MIPOL1: variants seen among roughly 807,000 people sequenced by gnomAD.
MIPOL1 encodes the protein mirror-image polydactyly 1.
In MIPOL1, 57 loss-of-function variants were observed where a neutral mutation model predicts 60.9. The ratio of observed to expected loss-of-function variants is 0.94; its 90% CI spans 0.76 to 1.17. The LOEUF is 1.17. MIPOL1 is among the 50% of genes most tolerant of loss of function. The probability of loss-of-function intolerance (pLI) is 0.00; values close to 1 mark genes in which losing one functional copy is unlikely to be tolerated. For missense variants in MIPOL1, 551 were observed against 511.6 expected, an observed-to-expected ratio of 1.08 and a Z score of -0.74; for synonymous variants, 179 against 168.8, an observed-to-expected ratio of 1.06 and a Z score of -0.47.
chr14:37,237,008 G>C (rs545118986), intron 1 of MIPOL1, among the ~76,000 whole-genome samples: 2 of 152,176 alleles, frequency 1.3e-5, no homozygotes, highest in Admixed American at 1.3e-4. Flanking sequence ...TAGATTCCCT[G>C]GTATACTTGG....
intron 9 of MIPOL1, among the ~76,000 whole-genome samples, chr14:37,356,595 G>C (rs1028349553): frequency 2.0e-5 from 3 of 152,216 alleles, no homozygotes; most frequent in African/African-American, 7.2e-5. Flanking sequence ...CCAGGTGCGG[G>C]ATATAATCTC....
chr14:37,420,625 A>T (rs2093855364), intron 10 of MIPOL1, among the ~76,000 whole-genome samples: 1 of 152,192 alleles, frequency 6.6e-6, no homozygotes, highest in Non-Finnish European at 1.5e-5. Context: ...AACTCAGACT[A>T]GCCTAAGTCA....
intron 1 of MIPOL1, among the ~76,000 whole-genome samples, chr14:37,226,965 G>A (rs1274777323): frequency 2.0e-5 from 3 of 152,168 alleles, no homozygotes; most frequent in Non-Finnish European, 4.4e-5. Flanking sequence ...CTGTGATGCT[G>A]CCTCTTTTGA....
intron 6 of MIPOL1, among the ~76,000 whole-genome samples, chr14:37,276,122 C>T (rs2083640331): frequency 6.6e-6 from 1 of 151,064 alleles, no homozygotes; most frequent in Non-Finnish European, 1.5e-5. Flanking sequence ...TCTCTATTAT[C>T]TAATCTATCT....
intron 1 of MIPOL1, chr14:37,240,444 C>T (rs1204309513): frequency 2.6e-5 from 4 of 152,054 alleles, no homozygotes; most frequent in Non-Finnish European, 4.4e-5. Flanking sequence ...TTTGATTTGC[C>T]AGGAACTTCA....
intron 11 of MIPOL1, among the ~76,000 whole-genome samples, chr14:37,445,080 A>G (rs935163336): frequency 4.6e-5 from 7 of 152,210 alleles, no homozygotes; most frequent in Non-Finnish European, 8.8e-5. Flanking sequence ...GGCCAGGTCA[A>G]TTAGGCAGGA....
At position 37,505,913 on chromosome 14, in the gene MIPOL1, G is replaced by T. The variant is rs540405076; in HGVS notation, c.1262+5775G>T. On this transcript the variant is annotated intron_variant, in intron 12 of 12. Transcript: ENST00000684589. ...ATAAGCAACTTCAGCAAAGTCTCAG[G>T]ATATAAAATCAATGTGCAAAAATCA... is the stretch of plus-strand genomic sequence containing the variant. 15 of 152,124 alleles carry T rather than the reference G, an allele frequency of 9.9e-5. 1 individual carries two copies. The South Asian group carries it at 2.9e-3, about 29-fold the overall frequency. The allele number at this position is 152,124 out of a possible 1,614,324, so 9.4% of individuals were successfully genotyped here.
chr14:37,496,076 G>A (rs922617527), intron 11 of MIPOL1, among the ~76,000 whole-genome samples: 27 of 151,932 alleles, frequency 1.8e-4, no homozygotes, highest in African/African-American at 6.3e-4. Context: ...CATTTTGTAG[G>A]TTGCCTGTTC....
chr14:37,467,183 C>A (rs2094609409), intron 11 of MIPOL1, among the ~76,000 whole-genome samples: 1 of 152,152 alleles, frequency 6.6e-6, no homozygotes, highest in Admixed American at 6.6e-5. Flanking sequence ...ATCTTTATAA[C>A]CCTAAAACCT....
At chr14:37,511,336 T>C (rs1251562911) in intron 12 of MIPOL1, among the ~76,000 whole-genome samples, 1 of 152,180 alleles carries the variant, frequency 6.6e-6, no homozygotes, top group Non-Finnish European at 1.5e-5. Flanking sequence ...GTGTAGTTTG[T>C]GGATGAATAG....
intron 10 of MIPOL1, among the ~76,000 whole-genome samples, chr14:37,378,879 A>T (rs1284893487): frequency 6.6e-6 from 1 of 152,126 alleles, no homozygotes; most frequent in Non-Finnish European, 1.5e-5. Context: ...ATATGATTTA[A>T]AAAACGGATC....
chr14:37,520,223 A>G (rs1371059169), intron 12 of MIPOL1, among the ~76,000 whole-genome samples: 1 of 152,178 alleles, frequency 6.6e-6, no homozygotes, highest in Non-Finnish European at 1.5e-5. Context: ...CTAGTCTCCC[A>G]AAGGATGTTG....
intron 1 of MIPOL1, among the ~76,000 whole-genome samples, chr14:37,199,763 G>T (rs1157514994): frequency 4.6e-5 from 7 of 152,132 alleles, no homozygotes; most frequent in Admixed American, 4.6e-4. Context: ...GACCTCAGCT[G>T]ATCCACCTGC....
chr14:37,208,049 C>T (rs574094070), intron 1 of MIPOL1, among the ~76,000 whole-genome samples: 1 of 152,192 alleles, frequency 6.6e-6, no homozygotes, highest in East Asian at 1.9e-4. Flanking sequence ...CTTAGATCTG[C>T]TTTAGGCTGT....
chr14:37,358,804 G>T (rs757081875), intron 9 of MIPOL1, among the ~76,000 whole-genome samples: 36 of 152,168 alleles, frequency 2.4e-4, no homozygotes, highest in Non-Finnish European at 4.0e-4. Flanking sequence ...TCTGAGGGTA[G>T]TTTCTCTTGC....
At chr14:37,344,541 C>G (rs7146631) in intron 9 of MIPOL1, among the ~76,000 whole-genome samples, 147,814 of 152,192 alleles carry the variant, frequency 0.97, 71,835 homozygotes, top group East Asian at 1. Context: ...GTTCTTTCAT[C>G]TGGAAGCACA....
intron 1 of MIPOL1, among the ~76,000 whole-genome samples, chr14:37,219,277 C>G (rs1185494169): frequency 6.6e-6 from 1 of 152,186 alleles, no homozygotes; most frequent in East Asian, 1.9e-4. Context: ...CAGAGACAGA[C>G]ACAGAAACCC....
At chr14:37,462,896 A>T (rs1162941401) in intron 11 of MIPOL1, among the ~76,000 whole-genome samples, 1 of 151,882 alleles carries the variant, frequency 6.6e-6, no homozygotes, top group Non-Finnish European at 1.5e-5. Flanking sequence ...ACTTTCCCAT[A>T]TTTTCCTGTC....
At chr14:37,288,732 G>A (rs576888490) in intron 7 of MIPOL1, among the ~76,000 whole-genome samples, 59 of 152,068 alleles carry the variant, frequency 3.9e-4, no homozygotes, top group African/African-American at 1.3e-3. Context: ...GATCGCTTGA[G>A]CCTCAGAGAT....
Sources: allele counts gnomAD v4.1 joint callset (sites outside exome capture counted in the v4.1 genomes callset), GRCh38; gene constraint gnomAD v4.1.1; transcripts MANE v1.5; gene names NCBI Gene and HGNC (gene_info 2026-07-23, HGNC 2026-07-21).